Variants in CFAP46 observed in about 807,000 individuals in gnomAD.
The protein encoded by CFAP46 is cilia- and flagella-associated protein 46.
Under a neutral mutation model 325.7 loss-of-function variants are expected in CFAP46, and 245 were observed. The observed-to-expected ratio is 0.75, with a 90% CI of 0.68 to 0.84. The LOEUF is 0.84. Among genes scored for constraint, CFAP46 ranks in the 40% least tolerant of loss-of-function variants. The pLI is 0.00. For missense variants in CFAP46, 3,346 were observed against 3,543.0 expected (o/e 0.94, Z 1.41); for synonymous variants, 1,523 against 1,495.9 (o/e 1.02, Z -0.42).
chr10:132,913,836 C>G (rs578071004), intron 17 of CFAP46, among the ~76,000 whole-genome samples: 3 of 152,010 alleles, frequency 2.0e-5, no homozygotes, highest in African/African-American at 7.2e-5. Flanking sequence ...CACCCCTCCA[C>G]CCAGCCCCCC....
intron 19 of CFAP46, among the ~76,000 whole-genome samples, chr10:132,911,477 G>T (rs751766334): frequency 1.3e-5 from 2 of 152,176 alleles, no homozygotes; most frequent in Non-Finnish European, 2.9e-5. Flanking sequence ...CCCCTGCGGA[G>T]ACACTCAAGG....
rs1032460384 is a variant in CFAP46 at position 132,876,539 on chromosome 10, A to G, written c.4362+273T>C. Among the ~76,000 whole-genome samples the G allele has an allele frequency of 6.6e-6, 1 of 152,146 alleles. No individual in the cohort carries two copies. Among genetic ancestry groups the G allele is most frequent in the African/African-American group, 2.4e-5 (1 of 41,424 alleles). On this transcript the variant is annotated intron_variant, in intron 31 of 57. Coordinates refer to ENST00000368586, the MANE Select transcript of CFAP46 (RefSeq NM_001200049.3). The surrounding 1 kb of genome is among the most constrained non-coding windows in gnomAD (Gnocchi z 4.1). ...GGGATCAATTTCTGTTGTTTTAACC[A>G]TGCGGTTGTGGGAGCTTGTCATGAA...
rs1212613936 is a variant in CFAP46, at chr10:132,909,184, A to T, written c.2710T>A (p.Cys904Ser). ...RVLVALEMYSCNGLGLMDFTV... is the reference protein window; with the variant it reads ...RVLVALEMYSSNGLGLMDFTV... Reference sequence around the variant, plus strand: ...AAGTCCATGAGGCCCAGCCCGTTGCATGAGTACATTTCCAAGGCAACGAGG... The same window carrying T: ...AAGTCCATGAGGCCCAGCCCGTTGCTTGAGTACATTTCCAAGGCAACGAGG... Residue 904 changes from cysteine (C) to serine (S), a missense_variant, in exon 21 of 58, where the codon TGC becomes AGC. Cys to Ser is a moderately radical substitution (Grantham distance 112, BLOSUM62 -1). Transcript: ENST00000368586. The T allele has an allele frequency of 6.5e-7, 1 of 1,550,260 alleles. No homozygotes were observed. Among genetic ancestry groups the T allele is most frequent in the East Asian group, 2.4e-5 (1 of 40,888 alleles).
rs866187641 is a variant in CFAP46, at chr10:132,866,148, G to T, written c.4767C>A (p.Thr1589=). Residue 1589 remains threonine (T), a synonymous_variant, in exon 35 of 58, where the codon ACC becomes ACA. Transcript: ENST00000368586. The part of the protein sequence containing the change: ...KDKILKMNGE[T]GRDLDGTSFP... ...AGGACGTCCCATCCAGGTCCCTCCC[G>T]GTCTCCCCATTCATCTTCAAAATCT... The T allele has an allele frequency of 6.5e-6, 10 of 1,534,746 alleles. No homozygotes were observed. Among genetic ancestry groups the T allele is most frequent in the African/African-American group, 1.4e-5 (1 of 72,350 alleles).
chr10:132,940,976 G>T lies in CFAP46; in HGVS notation c.371+20C>A, dbSNP rs1431031127. The T allele has an allele frequency of 6.2e-7, 1 of 1,612,984 alleles. No individual in the cohort carries two copies. Among genetic ancestry groups the T allele is most frequent in the East Asian group, 2.2e-5 (1 of 44,882 alleles). Reference sequence around the variant, plus strand: ...TCTTTCACCCAGTCAGTGAGAAACGGCCACTTCAATTTTGCCTACCTCGGT... The same window carrying T: ...TCTTTCACCCAGTCAGTGAGAAACGTCCACTTCAATTTTGCCTACCTCGGT... On this transcript the variant is annotated intron_variant, in intron 4 of 57. Transcript: ENST00000368586.
rs894338106 is a variant in CFAP46 at position 132,920,302 on chromosome 10, G to A, written c.1607-120C>T. 5.7e-5 allele frequency: 72 copies of A among 1,272,526 alleles called. No individual in the cohort carries two copies. The African/African-American group carries it at 9.9e-4, about 18-fold the overall frequency. 78.8% of individuals were successfully genotyped at this position (1,272,526 alleles called of 1,614,324 possible). ...TGGCCACCCACAGGTAGCGGCTCCAGGGGCCCTAGATCCCCGGCTCCCAGA... is the reference window on the plus strand; with the variant it reads ...TGGCCACCCACAGGTAGCGGCTCCAAGGGCCCTAGATCCCCGGCTCCCAGA... On this transcript the variant is annotated intron_variant, in intron 13 of 57. Transcript: ENST00000368586.
At chr10:132,851,335 T>C (rs746541009) in intron 39 of CFAP46, 30 bp from the exon 40 acceptor site, 1 of 1,597,388 alleles carries the variant, frequency 6.3e-7, no homozygotes, top group South Asian at 1.1e-5. Flanking sequence ...CTCTGAAGCA[T>C]GGAAGCTTCT....
At chr10:132,871,474 T>C (rs192307361) in intron 32 of CFAP46, among the ~76,000 whole-genome samples, 1 of 152,320 alleles carries the variant, frequency 6.6e-6, no homozygotes, top group African/African-American at 2.4e-5. Flanking sequence ...CTAGATCCCA[T>C]TAAGAACATT....
Position 132,938,723 on chromosome 10 carries a change from G to A in CFAP46, c.402C>T (p.Val134=). Residue 134 remains valine (V), a synonymous_variant, in exon 5 of 58, where the codon GTC becomes GTT. Coordinates refer to ENST00000368586, the MANE Select transcript of CFAP46 (RefSeq NM_001200049.3). ...ACGGCCTCACCATCTGCCAGTAGAG[G>A]ACTGATGCATTGTACACCAAAAAGT... ...RYYFLVYNAS[V]LYWQMVRPFL... 2 of 1,613,486 alleles carry A rather than the reference G, an allele frequency of 1.2e-6. No homozygotes were observed. The highest frequency in any genetic ancestry group is 1.7e-6 in the Non-Finnish European group (2 of 1,179,966).
chr10:132,837,784 CAG>C (rs1222297688), intron 44 of CFAP46, among the ~76,000 whole-genome samples: 1 of 149,940 alleles, frequency 6.7e-6, no homozygotes, highest in Non-Finnish European at 1.5e-5. Context: ...CAGATGCACA[CAG>C]ACATGCATGG....
rs139330589 is a variant in CFAP46 at position 132,812,804 on chromosome 10, C to T, written c.7482G>A (p.Leu2494=). 39 of 1,612,078 alleles carry T rather than the reference C, an allele frequency of 2.4e-5. No individual in the cohort carries two copies. Among genetic ancestry groups the T allele is most frequent in the Non-Finnish European group, 3.3e-5 (39 of 1,179,656 alleles). The part of the protein sequence containing the change: ...SFLSHILVER[L]VAMNLQECQV... ...TCTCACCTTGCAAGTTCATGGCGACCAATCTCTCCACTAATATATGGGACA... is the reference window on the plus strand; with the variant it reads ...TCTCACCTTGCAAGTTCATGGCGACTAATCTCTCCACTAATATATGGGACA... The change falls in exon 55 of 58, where the codon TTG becomes TTA. Residue 2494 remains leucine, a synonymous_variant. Transcript: ENST00000368586.
In CFAP46 at chr10:132,908,453, A is replaced by G. The variant is rs1371059002; in HGVS notation, c.2924+15T>C. ...CCGTTTTGAGGGAATTTGTCCAGTC[A>G]TGAGGGTTACTTACGGCCCAAATTT... On this transcript the variant is annotated intron_variant, in intron 22 of 57. Transcript: ENST00000368586. 1 of 1,550,272 alleles carries G rather than the reference A, an allele frequency of 6.5e-7. No homozygotes were observed. Among genetic ancestry groups the G allele is most frequent in the East Asian group, 2.4e-5 (1 of 40,918 alleles).
At position 132,938,642 on chromosome 10, in the gene CFAP46, G is replaced by A. The variant is rs181449154; in HGVS notation, c.483C>T (p.Asn161=). ...CTTCCTCCTCAGTCTGACTCAGCAC[G>A]TTTATGATTTGGGAAAGGCTGGGGA... The part of the protein sequence containing the change: ...HLIPSLSQII[N]VLSQTEEEDK... The change falls in exon 5 of 58, where the codon AAC becomes AAT. Residue 161 remains asparagine, a synonymous_variant. Transcript: ENST00000368586. 2.5e-5 allele frequency: 41 copies of A among 1,613,720 alleles called. No homozygotes were observed. The highest frequency in any genetic ancestry group is 2.4e-4 in the African/African-American group (18 of 75,056).
chr10:132,920,636 T>C (rs1201295071), intron 13 of CFAP46, among the ~76,000 whole-genome samples: 5 of 152,178 alleles, frequency 3.3e-5, no homozygotes, highest in Admixed American at 2.6e-4. Flanking sequence ...CACCCGGAAC[T>C]CAGCTCCACA....
rs891595653 is a variant in CFAP46, at chr10:132,847,696, G to A, written c.5953-375C>T. ...CCCGGAACCAGCCAGCACTGAGGCT[G>A]AGGCATCCACCAGCCCTCAGGGGCC... On this transcript the variant is annotated intron_variant, in intron 41 of 57. Coordinates refer to ENST00000368586, the MANE Select transcript of CFAP46 (RefSeq NM_001200049.3). This position sits in a 1 kb window ranked among gnomAD's most constrained non-coding sequence, Gnocchi z 5.2. 6.6e-6 allele frequency among the ~76,000 whole-genome samples: 1 copy of A among 152,118 alleles called. No individual in the cohort carries two copies. The highest frequency in any genetic ancestry group is 2.4e-5 in the African/African-American group (1 of 41,420).
intron 44 of CFAP46, among the ~76,000 whole-genome samples, chr10:132,838,049 C>T (rs79038327): frequency 0.011 from 1,747 of 152,294 alleles, 15 homozygotes; most frequent in Non-Finnish European, 0.018. Flanking sequence ...TGGGGAAGGC[C>T]CTCTCTTCCT....
intron 50 of CFAP46, among the ~76,000 whole-genome samples, chr10:132,824,006 GTGTGTGCTGTGTGCTGTGTGAGTGCTGA>G (rs1389056459): frequency 1.3e-4 from 8 of 62,736 alleles, no homozygotes; most frequent in African/African-American, 7.2e-4. Context: ...TTTGTGCTGT[GTGTGTGCTGTGTGCTGTGTGAGTGCTGA>G]TGTGTGCTGA....
Position 132,919,466 on chromosome 10 carries a change from G to C in CFAP46, c.1731-24C>G. ...TCCTGCTCACCGAGAACCCAAACGA[G>C]TGAAAGGTGAGTAGACAAGTGTGGT... On this transcript the variant is annotated intron_variant, in intron 14 of 57. Transcript: ENST00000368586. This position sits in a 1 kb window ranked among gnomAD's most constrained non-coding sequence, Gnocchi z 9.7. 1 of 1,540,188 alleles carries C rather than the reference G, an allele frequency of 6.5e-7. No individual in the cohort carries two copies. Among genetic ancestry groups the C allele is most frequent in the Non-Finnish European group, 8.8e-7 (1 of 1,142,840 alleles).
chr10:132,822,761 T>C (rs959210918), intron 50 of CFAP46, among the ~76,000 whole-genome samples: 20 of 141,772 alleles, frequency 1.4e-4, no homozygotes, highest in African/African-American at 5.4e-4. Context: ...GTGTGAGTGC[T>C]GATGTGTGCT....
Sources: allele counts gnomAD v4.1 joint callset (sites outside exome capture counted in the v4.1 genomes callset), GRCh38; gene constraint gnomAD v4.1.1; non-coding constraint Gnocchi (gnomAD v3.1); transcripts MANE v1.5; gene names NCBI Gene and HGNC (gene_info 2026-07-23, HGNC 2026-07-21).